Variants in CACNA2D3 observed in about 807,000 individuals in gnomAD.
CACNA2D3 encodes the protein calcium voltage-gated channel auxiliary subunit alpha2delta 3.
A neutral mutation model predicts 160.6 loss-of-function variants in CACNA2D3; 60 were observed. The observed-to-expected ratio is 0.37, with a 90% CI of 0.30 to 0.46. CACNA2D3 has a LOEUF of 0.46. CACNA2D3 is among the 20% of genes least tolerant of loss of function. The pLI, the probability that CACNA2D3 is intolerant of heterozygous loss-of-function variation, is 1.00. For missense variants in CACNA2D3, 1,205 were observed against 1,365.0 expected (o/e 0.88, Z 1.85); for synonymous variants, 558 against 492.9 (o/e 1.13, Z -1.75).
chr3:54,434,373 G>A lies in CACNA2D3; in HGVS notation c.381+47599G>A, dbSNP rs928905949. On this transcript the variant is annotated intron_variant, in intron 4 of 37. Coordinates refer to ENST00000474759, the MANE Select transcript of CACNA2D3 (RefSeq NM_018398.3). ...GCTGGACCTCCACACCCACCCAGCA[G>A]CAGTGAGACTAAATGGGATGTTGTA... 2.6e-5 allele frequency among the ~76,000 whole-genome samples: 4 copies of A among 152,318 alleles called. No individual in the cohort carries two copies. In the East Asian group the frequency reaches 7.7e-4, roughly 29 times the overall value.
At chr3:54,642,861 A>T (rs1699553376) in intron 11 of CACNA2D3, among the ~76,000 whole-genome samples, 1 of 152,172 alleles carries the variant, frequency 6.6e-6, no homozygotes, top group African/African-American at 2.4e-5. Context: ...TCAAGCTGTT[A>T]TCTTGCCTGA....
chr3:54,157,390 C>G (rs549136567), intron 2 of CACNA2D3, among the ~76,000 whole-genome samples: 1 of 152,314 alleles, frequency 6.6e-6, no homozygotes, highest in African/African-American at 2.4e-5. Context: ...CAAAGTCTTG[C>G]ATGTTTTGGA....
At chr3:54,901,081 TC>T (rs1271733419) in intron 27 of CACNA2D3, 3 of 152,228 alleles carry the variant, frequency 2.0e-5, no homozygotes, top group Non-Finnish European at 4.4e-5. Flanking sequence ...TGTCTCATGT[TC>T]CTTGAGGAAA....
At chr3:54,728,569 G>T (rs927994950) in intron 11 of CACNA2D3, among the ~76,000 whole-genome samples, 1 of 151,796 alleles carries the variant, frequency 6.6e-6, no homozygotes, top group Non-Finnish European at 1.5e-5. Flanking sequence ...TAGTTATCTG[G>T]CTCTGTTTCT....
rs1272315970 is a variant in CACNA2D3, at chr3:54,809,405, G to A, written c.1381-7448G>A. 7.8e-5 allele frequency among the ~76,000 whole-genome samples: 10 copies of A among 128,944 alleles called. 1 individual carries two copies. Among genetic ancestry groups the A allele is most frequent in the African/African-American group, 2.4e-4 (7 of 29,068 alleles). 84.6% of individuals were successfully genotyped at this position (128,944 alleles called of 152,430 possible). A position where few individuals can be genotyped will look rare whatever the true frequency, so the allele number is the denominator to read the frequency against. On this transcript the variant is annotated intron_variant, in intron 13 of 37. Transcript: ENST00000474759. Reference sequence around the variant, plus strand: ...GCAATCTCGGCTCACTGCAAGCTCCGCTTCCCGGGTTCACGCCATTCTCCT... The same window carrying A: ...GCAATCTCGGCTCACTGCAAGCTCCACTTCCCGGGTTCACGCCATTCTCCT...
chr3:54,613,690 C>A (rs778710071), intron 9 of CACNA2D3, among the ~76,000 whole-genome samples: 1 of 152,204 alleles, frequency 6.6e-6, no homozygotes. Context: ...GAAGTTCCTG[C>A]TGAGTCTGGC....
chr3:55,033,657 A>T (rs1703727183), intron 35 of CACNA2D3, among the ~76,000 whole-genome samples: 2 of 137,210 alleles, frequency 1.5e-5, no homozygotes, highest in Admixed American at 8.2e-5. Flanking sequence ...ATATATATAA[A>T]ATAGATATAT....
intron 27 of CACNA2D3, among the ~76,000 whole-genome samples, chr3:54,951,431 A>G (rs1011778266): frequency 7.2e-5 from 11 of 152,212 alleles, no homozygotes; most frequent in African/African-American, 2.7e-4. Flanking sequence ...CGACACCATT[A>G]GGGACATGGA....
intron 35 of CACNA2D3, among the ~76,000 whole-genome samples, chr3:55,020,142 T>A (rs1218157628): frequency 2.6e-5 from 4 of 151,778 alleles, no homozygotes; most frequent in Admixed American, 2.0e-4. Flanking sequence ...CCTTAGTTTG[T>A]TAACATGTTA....
chr3:54,245,208 CTTT>C (rs1164348480), intron 2 of CACNA2D3, among the ~76,000 whole-genome samples: 1 of 151,866 alleles, frequency 6.6e-6, no homozygotes, highest in African/African-American at 2.4e-5. Context: ...AGAACACAGT[CTTT>C]TTATTTTTTT....
chr3:54,432,318 A>G (rs1575451416), intron 4 of CACNA2D3, among the ~76,000 whole-genome samples: 1 of 152,190 alleles, frequency 6.6e-6, no homozygotes, highest in African/African-American at 2.4e-5. Flanking sequence ...ATAAACAATG[A>G]TCTTGTTATT....
At chr3:54,138,869 TTCCACCTCC>T (rs1699868490) in intron 2 of CACNA2D3, among the ~76,000 whole-genome samples, 1 of 152,264 alleles carries the variant, frequency 6.6e-6, no homozygotes, top group Non-Finnish European at 1.5e-5. Context: ...TTTTGTCTTG[TTCCACCTCC>T]TCCTTAGGAT....
At position 54,627,802 on chromosome 3, in the gene CACNA2D3, C is replaced by T; in HGVS notation, c.979C>T (p.Leu327=). 2 of 1,610,000 alleles carry T rather than the reference C, an allele frequency of 1.2e-6. No individual in the cohort carries two copies. Among genetic ancestry groups the T allele is most frequent in the South Asian group, 1.1e-5 (1 of 89,648 alleles). ...GCTGTTTCAGCACTTCAGGGAGCAT[C>T]TGGACAAACTTTTCGCCAAAGGAAT... ...RTNKEHFREH[L]DKLFAKGIGM... is the part of the protein sequence containing the mutation. The change falls in exon 10 of 38, where the codon CTG becomes TTG. Residue 327 remains leucine (L), a synonymous_variant. Coordinates refer to ENST00000474759, the MANE Select transcript of CACNA2D3 (RefSeq NM_018398.3).
At chr3:54,703,771 C>T (rs1198706441) in intron 11 of CACNA2D3, among the ~76,000 whole-genome samples, 2 of 152,104 alleles carry the variant, frequency 1.3e-5, no homozygotes, top group Non-Finnish European at 2.9e-5. Context: ...TGCAAAATGT[C>T]GGCAAGCTCA....
chr3:54,543,514 A>G (rs536151575), intron 5 of CACNA2D3, among the ~76,000 whole-genome samples: 1 of 152,344 alleles, frequency 6.6e-6, no homozygotes, highest in South Asian at 2.1e-4. Flanking sequence ...AAAGAGCTGT[A>G]TGTCTGGTTT....
chr3:54,451,229 C>CTTAT (rs1700301803), intron 4 of CACNA2D3, among the ~76,000 whole-genome samples: 4 of 51,756 alleles, frequency 7.7e-5, no homozygotes, highest in African/African-American at 3.4e-4. Flanking sequence ...ATATAATAAT[C>CTTAT]TTTTTTTTTT....
At chr3:54,429,061 T>G (rs763920041) in intron 4 of CACNA2D3, among the ~76,000 whole-genome samples, 1 of 152,186 alleles carries the variant, frequency 6.6e-6, no homozygotes, top group Non-Finnish European at 1.5e-5. Flanking sequence ...ATGCGATGGT[T>G]TGGGATGGGG....
At chr3:54,520,888 T>C (rs1701637510) in intron 5 of CACNA2D3, among the ~76,000 whole-genome samples, 1 of 152,220 alleles carries the variant, frequency 6.6e-6, no homozygotes, top group Admixed American at 6.5e-5. Flanking sequence ...GACTGGCTTA[T>C]TTCACTTAGC....
At chr3:54,592,452 A>G (rs1702879419) in intron 9 of CACNA2D3, among the ~76,000 whole-genome samples, 1 of 152,152 alleles carries the variant, frequency 6.6e-6, no homozygotes, top group East Asian at 1.9e-4. Flanking sequence ...CAAATAACTG[A>G]CTTCTTTTTT....
Sources: gnomAD v4.1 joint callset for allele counts (sites outside exome capture counted in the v4.1 genomes callset) on GRCh38, gnomAD v4.1.1 for gene constraint, MANE v1.5 for transcripts, NCBI Gene and HGNC (gene_info 2026-07-23, HGNC 2026-07-21) for gene names.